ARHGAP36: variants seen among roughly 807,000 people sequenced by gnomAD.
ARHGAP36 encodes the protein rho GTPase-activating protein 36.
A neutral mutation model predicts 32.9 loss-of-function variants in ARHGAP36; 7 were observed. The observed-to-expected ratio is 0.21, with a 90% CI of 0.12 to 0.40. ARHGAP36 has a LOEUF of 0.40. Among genes scored for constraint, ARHGAP36 ranks in the 10% least tolerant of loss-of-function variants. The pLI is 1.00. For synonymous variants in ARHGAP36, 165 were observed against 168.3 expected, an observed-to-expected ratio of 0.98 and a Z score of 0.15; for missense variants, 383 against 442.2, an observed-to-expected ratio of 0.87 and a Z score of 1.20.
chrX:131,072,655 G>A (rs1233677206), intron 1 of ARHGAP36, among the ~76,000 whole-genome samples: 8 of 111,765 alleles, frequency 7.2e-5, no homozygotes, highest in Admixed American at 6.6e-4. Flanking sequence ...ATGGCCAGGG[G>A]AGGGGAGGTT....
At chrX:131,068,231 C>CCG (rs1244867253) in intron 1 of ARHGAP36, among the ~76,000 whole-genome samples, 11 of 111,480 alleles carry the variant, frequency 9.9e-5, no homozygotes, top group Non-Finnish European at 1.7e-4. Context: ...TCTACCGCAC[C>CCG]CGCGCGCGCG....
In ARHGAP36 at chrX:131,068,603, T is replaced by G. The variant is rs777774873; in HGVS notation, c.-143+10159T>G. On this transcript the variant is annotated intron_variant, in intron 1 of 11. Transcript: ENST00000276211. ...AGTACCCTCCCCCTGGCCCTTTCAC[T>G]GCCTTGACCTCTGTCCCCCTCCGCA... Among the ~76,000 whole-genome samples, 150 of 97,983 alleles carry G rather than the reference T, an allele frequency of 1.5e-3. No individual in the cohort carries two copies. The South Asian group carries it at 0.016, about 10-fold the overall frequency. The allele number at this position is 97,983 out of a possible 115,157, so 85.1% of individuals were successfully genotyped here. A position where few individuals can be genotyped will look rare whatever the true frequency, so the allele number is the denominator to read the frequency against.
intron 1 of ARHGAP36, among the ~76,000 whole-genome samples, chrX:131,074,342 T>G (rs2079749122): frequency 1.0e-5 from 1 of 99,867 alleles, no homozygotes; most frequent in Non-Finnish European, 2.0e-5. Context: ...TGTGTGAGTG[T>G]GTGTGTGTGT....
rs751741640 is a variant in ARHGAP36, at chrX:131,084,184, C to T, written c.556-31C>T. 86 of 1,170,183 alleles carry T rather than the reference C, an allele frequency of 7.3e-5. 1 individual carries two copies. In the South Asian group the frequency reaches 1.6e-3, roughly 22 times the overall value. On this transcript the variant is annotated intron_variant, in intron 4 of 11. Coordinates refer to ENST00000276211, the MANE Select transcript of ARHGAP36 (RefSeq NM_144967.4). ...GGTCCTAATTGACTCTCTTTATTTCCCATTTTAAGATAATCTGGATTTCTC... is the reference window on the plus strand; with the variant it reads ...GGTCCTAATTGACTCTCTTTATTTCTCATTTTAAGATAATCTGGATTTCTC...
chrX:131,077,228 A>G (rs776353035), intron 1 of ARHGAP36, among the ~76,000 whole-genome samples: 1 of 112,307 alleles, frequency 8.9e-6, no homozygotes, highest in Non-Finnish European at 1.9e-5. Context: ...GGATGTCTTT[A>G]TCCATTGCCG....
intron 1 of ARHGAP36, among the ~76,000 whole-genome samples, chrX:131,069,973 G>T (rs756302669): frequency 8.9e-6 from 1 of 112,546 alleles, no homozygotes; most frequent in African/African-American, 3.2e-5. Flanking sequence ...CGCTATACAG[G>T]CGGCAAGAGA....
chrX:131,058,996 G>A (rs2079655290), intron 1 of ARHGAP36, among the ~76,000 whole-genome samples: 1 of 112,262 alleles, frequency 8.9e-6, no homozygotes, highest in South Asian at 3.8e-4. Flanking sequence ...CAACAGGTTG[G>A]CAGCATACCT....
Position 131,085,688 on chromosome X carries a change from T to G in ARHGAP36, c.1056T>G (p.His352Gln). The G allele has an allele frequency of 8.3e-7, 1 of 1,211,611 alleles. No homozygotes were observed. The change falls in exon 8 of 12, where the codon CAT becomes CAG. Residue 352 changes from histidine to glutamine, a missense_variant. Physicochemically the swap from His to Gln is conservative, Grantham distance 24 (BLOSUM62 0). Transcript: ENST00000276211. Reference sequence around the variant, plus strand: ...TGGAGCGTCTGCTGAAGGCCCTGCATAAAATCACTGAGAACTGCGAGGACT... The same window carrying G: ...TGGAGCGTCTGCTGAAGGCCCTGCAGAAAATCACTGAGAACTGCGAGGACT... ...DTLERLLKAL[H>Q]KITENCEDSI...
Position 131,084,323 on chromosome X carries a change from T to A in ARHGAP36, c.664T>A (p.Ser222Thr). 8.3e-7 allele frequency: 1 copy of A among 1,211,608 alleles called. No individual in the cohort carries two copies. Among genetic ancestry groups the A allele is most frequent in the Non-Finnish European group, 1.1e-6 (1 of 895,396 alleles). The change falls in exon 5 of 12, where the codon TCC becomes ACC. Residue 222 changes from serine (S) to threonine (T), a missense_variant. By Grantham distance (58) the Ser-to-Thr change is moderately conservative. This residue lies in a region of ARHGAP36 where 227 missense variants were observed against 311.3 expected (regional missense o/e 0.73). Coordinates refer to ENST00000276211, the MANE Select transcript of ARHGAP36 (RefSeq NM_144967.4). ...TCCAATTGGCCAACGACTTCTGGGA[T>A]CCAAAAGGAAGATGAGTCTCAATCC... The part of the protein sequence containing the change: ...SFPIGQRLLG[S>T]KRKMSLNPIA...
chrX:131,075,898 G>A, intron 1 of ARHGAP36, among the ~76,000 whole-genome samples: 1 of 111,222 alleles, frequency 9.0e-6, no homozygotes, highest in Non-Finnish European at 1.9e-5. Flanking sequence ...TTCCTCCATG[G>A]CATTTTTGTG....
chrX:131,078,037 G>C (rs113080397), intron 1 of ARHGAP36, among the ~76,000 whole-genome samples: 38 of 110,820 alleles, frequency 3.4e-4, no homozygotes, highest in African/African-American at 1.2e-3. Flanking sequence ...TTCAAATTTA[G>C]TGGAGAAGAG....
chrX:131,078,786 G>T (rs1461819080), intron 1 of ARHGAP36: 1 of 960,730 alleles, frequency 1.0e-6, no homozygotes, highest in South Asian at 2.0e-5. Flanking sequence ...TGTTAGAACT[G>T]CAGCATATAA....
At chrX:131,079,383 C>G (rs1262550819) in intron 1 of ARHGAP36, among the ~76,000 whole-genome samples, 1 of 111,501 alleles carries the variant, frequency 9.0e-6, no homozygotes, top group Non-Finnish European at 1.9e-5. Context: ...AATATCTATG[C>G]TAGGTGTTTT....
In ARHGAP36 at chrX:131,089,246, G is replaced by A. The variant is rs997148622; in HGVS notation, c.*461G>A. On this transcript the variant is annotated 3_prime_UTR_variant, in exon 12 of 12. Transcript: ENST00000276211. ...AGGCCCTCAAGAGGCATGCTAGAAC[G>A]TTAGGTCAGCCTACTGACAGCTGAC... 5 of 115,712 alleles carry A rather than the reference G, an allele frequency of 4.3e-5. No individual in the cohort carries two copies. Among genetic ancestry groups the A allele is most frequent in the Non-Finnish European group, 7.2e-5 (4 of 55,564 alleles). 9.5% of individuals were successfully genotyped at this position (115,712 alleles called of 1,213,427 possible).
chrX:131,087,338 A>G (rs891976509), intron 11 of ARHGAP36, among the ~76,000 whole-genome samples: 1 of 111,594 alleles, frequency 9.0e-6, no homozygotes, highest in Non-Finnish European at 1.9e-5. Context: ...ATCCCAGACT[A>G]TGAAGCCCCA....
chrX:131,071,481 T>G (rs1314470517), intron 1 of ARHGAP36, among the ~76,000 whole-genome samples: 2 of 111,416 alleles, frequency 1.8e-5, no homozygotes, highest in African/African-American at 3.3e-5. Context: ...GTAGCAATGA[T>G]GGTGAGGTGG....
At chrX:131,068,012 G>C (rs750138625) in intron 1 of ARHGAP36, among the ~76,000 whole-genome samples, 1 of 110,885 alleles carries the variant, frequency 9.0e-6, no homozygotes, top group Admixed American at 9.5e-5. Context: ...CACAAACCCC[G>C]GCAGGAACAG....
rs963888458 is a variant in ARHGAP36 at position 131,089,733 on chromosome X, C to T, written c.*948C>T. 8.9e-6 allele frequency: 1 copy of T among 112,595 alleles called. No homozygotes were observed. Among genetic ancestry groups the T allele is most frequent in the Admixed American group, 9.4e-5 (1 of 10,636 alleles). The allele number at this position is 112,595 out of a possible 1,213,427, so 9.3% of individuals were successfully genotyped here. A position where few individuals can be genotyped will look rare whatever the true frequency, so the allele number is the denominator to read the frequency against. ...TTACAGCTGATATTATGGATGACAA[C>T]TGCTAAGGTCCATAAAATGAAGACT... On this transcript the variant is annotated 3_prime_UTR_variant, in exon 12 of 12. Coordinates refer to ENST00000276211, the MANE Select transcript of ARHGAP36 (RefSeq NM_144967.4).
At chrX:131,060,860 G>C (rs1231488586) in intron 1 of ARHGAP36, among the ~76,000 whole-genome samples, 1 of 112,644 alleles carries the variant, frequency 8.9e-6, no homozygotes, top group African/African-American at 3.2e-5. Flanking sequence ...TCTTTGGGTA[G>C]TTTTTTGACT....
Sources: gnomAD v4.1 joint callset for allele counts (sites outside exome capture counted in the v4.1 genomes callset) on GRCh38, gnomAD v4.1.1 for gene constraint, gnomAD v4.1.1 regional missense constraint, MANE v1.5 for transcripts, NCBI Gene and HGNC (gene_info 2026-07-23, HGNC 2026-07-21) for gene names.